The following GTF2A1L variants were observed in gnomAD, a reference collection of about 807,000 sequenced individuals.
GTF2A1L encodes general transcription factor IIA subunit 1 like.
A neutral mutation model predicts 49.7 loss-of-function variants in GTF2A1L; 48 were observed. That is an observed-to-expected ratio of 0.97 (90% CI 0.77 to 1.23). The LOEUF is 1.23. Ranked by LOEUF, GTF2A1L falls within the 50% of genes most tolerant of loss-of-function variation. GTF2A1L has a pLI of 0.00. For synonymous variants in GTF2A1L, 246 were observed against 193.5 expected (o/e 1.27, Z -2.25); for missense variants, 736 against 564.8 (o/e 1.30, Z -3.07).
intron 5 of GTF2A1L, among the ~76,000 whole-genome samples, chr2:48,645,865 G>T (rs191497727): frequency 3.5e-4 from 53 of 151,842 alleles, no homozygotes; most frequent in Non-Finnish European, 5.0e-4. Flanking sequence ...AGCCAGGAGG[G>T]TCTTGATCTC....
chr2:48,666,511 A>G (rs181465808), intron 6 of GTF2A1L, among the ~76,000 whole-genome samples: 7 of 152,240 alleles, frequency 4.6e-5, no homozygotes, highest in African/African-American at 1.7e-4. Context: ...TTAACCCAGT[A>G]TGATAATCTC....
At chr2:48,653,440 G>A (rs1361629151) in intron 6 of GTF2A1L, among the ~76,000 whole-genome samples, 1 of 152,072 alleles carries the variant, frequency 6.6e-6, no homozygotes, top group Non-Finnish European at 1.5e-5. Context: ...CCCAGTTCCT[G>A]GCGGTCACTC....
chr2:48,667,004 C>G (rs562746513), intron 6 of GTF2A1L, among the ~76,000 whole-genome samples: 53 of 152,146 alleles, frequency 3.5e-4, no homozygotes, highest in South Asian at 3.1e-3. Flanking sequence ...CACTCTGTCA[C>G]TTAGGCTGGA....
At chr2:48,645,937 C>T (rs146522831) in intron 5 of GTF2A1L, among the ~76,000 whole-genome samples, 14 of 148,122 alleles carry the variant, frequency 9.5e-5, no homozygotes, top group Middle Eastern at 7.2e-3. Context: ...CATGAGCCAC[C>T]GCGCCTGGCC....
intron 3 of GTF2A1L, among the ~76,000 whole-genome samples, chr2:48,635,987 TTCTC>T (rs1347871413): frequency 6.6e-6 from 1 of 152,158 alleles, no homozygotes; most frequent in Non-Finnish European, 1.5e-5. Context: ...GAGGCTGTCT[TTCTC>T]TCTCATGTAC....
chr2:48,677,571 T>C lies in GTF2A1L; in HGVS notation c.1330-1764T>C, dbSNP rs573826693. ...ACTTTAGTTTTTGGATGGGAAGTCA[T>C]TGGAGAGTTTCGACAAGAGAAATGA... On this transcript the variant is annotated intron_variant, in intron 8 of 8. Transcript: ENST00000403751. 9.9e-5 allele frequency among the ~76,000 whole-genome samples: 15 copies of C among 152,094 alleles called. No homozygotes were observed. The East Asian group carries it at 2.5e-3, about 25-fold the overall frequency.
At chr2:48,636,242 C>T (rs1471401057) in intron 3 of GTF2A1L, among the ~76,000 whole-genome samples, 2 of 152,218 alleles carry the variant, frequency 1.3e-5, no homozygotes, top group Admixed American at 6.5e-5. Flanking sequence ...CCAGCTTAAA[C>T]AATGACACAA....
intron 1 of GTF2A1L, among the ~76,000 whole-genome samples, chr2:48,619,006 T>C (rs989400131): frequency 3.3e-5 from 5 of 152,216 alleles, no homozygotes; most frequent in African/African-American, 1.2e-4. Flanking sequence ...AGCATCAATT[T>C]AGTATGCCTT....
At chr2:48,677,244 T>G (rs1447675112) in intron 8 of GTF2A1L, among the ~76,000 whole-genome samples, 1 of 152,004 alleles carries the variant, frequency 6.6e-6, no homozygotes, top group Non-Finnish European at 1.5e-5. Flanking sequence ...AAAACCCTGT[T>G]GGTATTTTCA....
intron 6 of GTF2A1L, among the ~76,000 whole-genome samples, chr2:48,656,808 C>G (rs1488433224): frequency 6.6e-6 from 1 of 152,110 alleles, no homozygotes; most frequent in Non-Finnish European, 1.5e-5. Flanking sequence ...CTGTTTTCCT[C>G]TAAGAGATTT....
intron 6 of GTF2A1L, 45 bp downstream of exon 6, chr2:48,647,087 G>A: frequency 6.9e-7 from 1 of 1,442,318 alleles, no homozygotes; most frequent in Non-Finnish European, 9.3e-7. Context: ...GACAGATAGT[G>A]GCCAGTAACT....
chr2:48,625,482 T>C (rs1284870728), intron 3 of GTF2A1L, among the ~76,000 whole-genome samples: 1 of 144,432 alleles, frequency 6.9e-6, no homozygotes, highest in Non-Finnish European at 1.6e-5. Context: ...AGATATATGG[T>C]TTGCAAATAT....
rs375684321 is a variant in GTF2A1L at position 48,679,381 on chromosome 2, T to G, written c.1376T>G (p.Val459Gly). 4.3e-6 allele frequency: 7 copies of G among 1,612,008 alleles called. No individual in the cohort carries two copies. Among genetic ancestry groups the G allele is most frequent in the Non-Finnish European group, 5.9e-6 (7 of 1,178,964 alleles). The change falls in exon 9 of 9, where the codon GTT becomes GGT. Residue 459 changes from valine to glycine, a missense_variant. Val to Gly is a moderately radical substitution (Grantham distance 109). Coordinates refer to ENST00000403751, the MANE Select transcript of GTF2A1L (RefSeq NM_006872.5). ...TGGAAATTCTATTTGAAAGATGGTG[T>G]TATGTGTTTTGGAGGGAGAGACTAT... Reference protein sequence around the residue: ...NKWKFYLKDGVMCFGGRDYVF... With the variant: ...NKWKFYLKDGGMCFGGRDYVF...
chr2:48,662,148 A>C (rs530302949), intron 6 of GTF2A1L, among the ~76,000 whole-genome samples: 24 of 152,328 alleles, frequency 1.6e-4, no homozygotes, highest in Non-Finnish European at 2.4e-4. Context: ...CACATACAAA[A>C]AGTTTACTCG....
intron 4 of GTF2A1L, among the ~76,000 whole-genome samples, chr2:48,644,081 G>A (rs1218667657): frequency 6.6e-6 from 1 of 152,148 alleles, no homozygotes; most frequent in East Asian, 1.9e-4. Flanking sequence ...TGAGGCAAAA[G>A]GATCACTTGA....
intron 3 of GTF2A1L, among the ~76,000 whole-genome samples, chr2:48,638,822 C>G (rs1677045666): frequency 6.6e-6 from 1 of 152,126 alleles, no homozygotes; most frequent in South Asian, 2.1e-4. Flanking sequence ...ATGCAGAAAA[C>G]TCTATAGTCT....
At chr2:48,652,924 T>C (rs557567701) in intron 6 of GTF2A1L, among the ~76,000 whole-genome samples, 4 of 151,668 alleles carry the variant, frequency 2.6e-5, no homozygotes, top group African/African-American at 9.7e-5. Context: ...TCGAACTAAT[T>C]GACTTTAAAA....
chr2:48,621,216 G>A lies in GTF2A1L; in HGVS notation c.173G>A (p.Arg58Lys), dbSNP rs774398156. 2.1e-4 allele frequency: 334 copies of A among 1,613,962 alleles called. No homozygotes were observed. The highest frequency in any genetic ancestry group is 2.7e-4 in the Non-Finnish European group (319 of 1,179,998). Reference sequence around the variant, plus strand: ...TCTAAAGCAACAGAAGACTTCTTCAGAAATAGCATCCAATCACCTCTGTTT... The same window carrying A: ...TCTAAAGCAACAGAAGACTTCTTCAAAAATAGCATCCAATCACCTCTGTTT... ...LQSKATEDFF[R>K]NSIQSPLFTL... The change falls in exon 3 of 9, where the codon AGA becomes AAA. Residue 58 changes from arginine (R) to lysine (K), a missense_variant. Physicochemically the swap from Arg to Lys is conservative, Grantham distance 26 (BLOSUM62 2). Transcript: ENST00000403751.
At chr2:48,652,737 C>T (rs2104231111) in intron 6 of GTF2A1L, among the ~76,000 whole-genome samples, 1 of 150,888 alleles carries the variant, frequency 6.6e-6, no homozygotes, top group East Asian at 2.1e-4. Flanking sequence ...CTCTGTCGCC[C>T]AGACTGGAGT....
Sources: gnomAD v4.1 joint callset for allele counts (sites outside exome capture counted in the v4.1 genomes callset) on GRCh38, gnomAD v4.1.1 for gene constraint, MANE v1.5 for transcripts, NCBI Gene and HGNC (gene_info 2026-07-23, HGNC 2026-07-21) for gene names.